The following SLCO2A1 variants were observed in gnomAD, a reference collection of about 807,000 sequenced individuals.
The protein encoded by SLCO2A1 is matrin F/G 1.
Under a neutral mutation model 71.7 loss-of-function variants are expected in SLCO2A1, and 60 were observed. That is an observed-to-expected ratio of 0.84 (90% CI 0.68 to 1.04). The LOEUF is 1.04. SLCO2A1 is among the 50% of genes least tolerant of loss of function. The probability of loss-of-function intolerance (pLI) is 0.00; values close to 1 mark genes in which losing one functional copy is unlikely to be tolerated. For missense variants in SLCO2A1, 745 were observed against 813.4 expected (o/e 0.92, Z 1.02); for synonymous variants, 308 against 326.7 (o/e 0.94, Z 0.62).
At chr3:133,991,217 G>C (rs1321341549) in intron 1 of SLCO2A1, among the ~76,000 whole-genome samples, 1 of 152,216 alleles carries the variant, frequency 6.6e-6, no homozygotes, top group Admixed American at 6.5e-5. Context: ...GATCCTCGGA[G>C]CTGAAGCAGG....
At position 133,934,439 on chromosome 3, in the gene SLCO2A1, C is replaced by G. The variant is rs1477636141; in HGVS notation, c.*274G>C. On this transcript the variant is annotated 3_prime_UTR_variant, in exon 14 of 14. Transcript: ENST00000310926. Reference sequence around the variant, plus strand: ...GGCATCCTCAATGGAGGACTCAACACTGAAGTGAGCCTGGGCATCTGGGGG... The same window carrying G: ...GGCATCCTCAATGGAGGACTCAACAGTGAAGTGAGCCTGGGCATCTGGGGG... The G allele has an allele frequency of 3.1e-6, 1 of 322,882 alleles. No homozygotes were observed. The highest frequency in any genetic ancestry group is 5.8e-6 in the Non-Finnish European group (1 of 172,550). The allele number at this position is 322,882 out of a possible 1,614,324, so 20.0% of individuals were successfully genotyped here.
chr3:133,987,877 A>G (rs1297625044), intron 1 of SLCO2A1, among the ~76,000 whole-genome samples: 1 of 152,222 alleles, frequency 6.6e-6, no homozygotes, highest in Non-Finnish European at 1.5e-5. Flanking sequence ...TTCTATCCCT[A>G]AATGGCAGCT....
In SLCO2A1 at chr3:134,025,656, C is replaced by T. The variant is rs139701462; in HGVS notation, c.96+4051G>A. ...TGGTCTTGTGTCATTTAGGCCACTT[C>T]GATAAAAAAAAAATGAAAAAGATCC... On this transcript the variant is annotated intron_variant, in intron 1 of 13. Coordinates refer to ENST00000310926, the MANE Select transcript of SLCO2A1 (RefSeq NM_005630.3). Among the ~76,000 whole-genome samples the T allele has an allele frequency of 8.2e-3, 1,236 of 151,072 alleles. 19 individuals carry two copies. Among genetic ancestry groups the T allele is most frequent in the African/African-American group, 0.028 (1,163 of 41,148 alleles).
chr3:133,948,564 G>T lies in SLCO2A1; in HGVS notation c.1077C>A (p.Thr359=). The T allele has an allele frequency of 6.2e-7, 1 of 1,614,132 alleles. No homozygotes were observed. Among genetic ancestry groups the T allele is most frequent in the Non-Finnish European group, 8.5e-7 (1 of 1,180,008 alleles). ...TGAGGAAGTTGGCATAGGCTGCTGA[G>T]GTGCCATACTGCTTCTCCAGGAACT... ...LNKFLEKQYG[T]SAAYANFLIG... is the part of the protein sequence containing the mutation. The change falls in exon 8 of 14, where the codon ACC becomes ACA. Residue 359 remains threonine (T), a synonymous_variant. Transcript: ENST00000310926.
intron 3 of SLCO2A1, among the ~76,000 whole-genome samples, chr3:133,970,201 A>C (rs1178821903): frequency 6.6e-6 from 1 of 152,210 alleles, no homozygotes; most frequent in Non-Finnish European, 1.5e-5. Context: ...TGATTACTGC[A>C]TGTGACAGCC....
intron 1 of SLCO2A1, among the ~76,000 whole-genome samples, chr3:134,015,331 A>G (rs1227453450): frequency 6.6e-6 from 1 of 151,996 alleles, no homozygotes; most frequent in East Asian, 1.9e-4. Context: ...GTGAAATAAG[A>G]CAGGCACAGA....
chr3:133,991,975 C>G (rs1194945993), intron 1 of SLCO2A1, among the ~76,000 whole-genome samples: 1 of 152,226 alleles, frequency 6.6e-6, no homozygotes, highest in Non-Finnish European at 1.5e-5. Flanking sequence ...ACAACAGGCA[C>G]AGAGAAGCAA....
chr3:133,955,602 G>A (rs1289232804), intron 3 of SLCO2A1, among the ~76,000 whole-genome samples: 1 of 152,082 alleles, frequency 6.6e-6, no homozygotes, highest in African/African-American at 2.4e-5. Flanking sequence ...CAGGCCCGTC[G>A]GCCTCCAGCA....
chr3:133,980,693 G>A (rs575606367), intron 1 of SLCO2A1, among the ~76,000 whole-genome samples: 215 of 152,334 alleles, frequency 1.4e-3, no homozygotes, highest in African/African-American at 5.1e-3. Flanking sequence ...ATTTCCTTCC[G>A]AAGCTGAGCC....
intron 3 of SLCO2A1, among the ~76,000 whole-genome samples, chr3:133,964,264 T>G (rs2108050379): frequency 6.6e-6 from 1 of 152,294 alleles, no homozygotes; most frequent in Middle Eastern, 3.4e-3. Context: ...GTCAGAGGCC[T>G]CTCGGAATGA....
intron 1 of SLCO2A1, among the ~76,000 whole-genome samples, chr3:134,021,009 C>A (rs1935563901): frequency 2.6e-5 from 4 of 152,206 alleles, no homozygotes; most frequent in African/African-American, 9.6e-5. Context: ...CCTCATCACC[C>A]ACGGCATGCC....
intron 1 of SLCO2A1, among the ~76,000 whole-genome samples, chr3:133,991,071 C>T (rs965039050): frequency 6.6e-6 from 1 of 152,030 alleles, no homozygotes; most frequent in Non-Finnish European, 1.5e-5. Context: ...GATCGCACCA[C>T]AGCACTCCAG....
intron 1 of SLCO2A1, among the ~76,000 whole-genome samples, chr3:133,982,384 C>A (rs1410248013): frequency 6.6e-6 from 1 of 152,150 alleles, no homozygotes; most frequent in African/African-American, 2.4e-5. Flanking sequence ...AGGATGATGG[C>A]CTCCAATCTC....
chr3:133,964,511 T>C (rs141709471), intron 3 of SLCO2A1, among the ~76,000 whole-genome samples: 112 of 152,186 alleles, frequency 7.4e-4, no homozygotes, highest in Middle Eastern at 3.4e-3. Context: ...GTCCAGAAAC[T>C]AGATACCAGT....
chr3:134,029,857 T>A lies in SLCO2A1; in HGVS notation c.-55A>T. The A allele has an allele frequency of 8.8e-7, 1 of 1,134,582 alleles. No individual in the cohort carries two copies. Among genetic ancestry groups the A allele is most frequent in the Non-Finnish European group, 1.1e-6 (1 of 880,060 alleles). 70.3% of individuals were successfully genotyped at this position (1,134,582 alleles called of 1,614,324 possible). On this transcript the variant is annotated 5_prime_UTR_variant, in exon 1 of 14. Transcript: ENST00000310926. Reference sequence around the variant, plus strand: ...GGCGCGGGGTCGGGGCGCCTCGGGCTGGAGCGGCCGGGCGGGTGAGAGGCG... The same window carrying A: ...GGCGCGGGGTCGGGGCGCCTCGGGCAGGAGCGGCCGGGCGGGTGAGAGGCG...
At position 133,982,935 on chromosome 3, in the gene SLCO2A1, G is replaced by T. The variant is rs186496155; in HGVS notation, c.97-3317C>A. 2.3e-4 allele frequency among the ~76,000 whole-genome samples: 35 copies of T among 152,252 alleles called. 1 individual carries two copies. In the East Asian group the frequency reaches 6.4e-3, roughly 28 times the overall value. ...AAACAGCTGTGTTGGTTTGTGAGGG[G>T]TGATAGCCAAGATGCTACAGTCCTG... On this transcript the variant is annotated intron_variant, in intron 1 of 13. Coordinates refer to ENST00000310926, the MANE Select transcript of SLCO2A1 (RefSeq NM_005630.3).
Position 134,029,752 on chromosome 3 carries a change from A to T in SLCO2A1, c.51T>A (p.Thr17=). 6.3e-7 allele frequency: 1 copy of T among 1,584,926 alleles called. No homozygotes were observed. Among genetic ancestry groups the T allele is most frequent in the South Asian group, 1.1e-5 (1 of 87,874 alleles). The change falls in exon 1 of 14, where the codon ACT becomes ACA. Residue 17 remains threonine, a synonymous_variant. Coordinates refer to ENST00000310926, the MANE Select transcript of SLCO2A1 (RefSeq NM_005630.3). ...LGASQGSDTS[T]SRAGRCARSV... is the part of the protein sequence containing the mutation. ...AGCGGGCACAGCGGCCGGCTCGGCT[A>T]GTAGAGGTGTCGCTGCCCTGGGACG...
At chr3:133,948,430 T>C in intron 8 of SLCO2A1, 106 bp downstream of exon 8, 2 of 1,196,528 alleles carry the variant, frequency 1.7e-6, no homozygotes, top group Non-Finnish European at 2.4e-6. Context: ...CTCCGGACCC[T>C]GCCTATGTCC....
chr3:133,937,503 C>T (rs1384428265), intron 12 of SLCO2A1, among the ~76,000 whole-genome samples: 1 of 152,188 alleles, frequency 6.6e-6, no homozygotes, highest in Non-Finnish European at 1.5e-5. Flanking sequence ...GTAGAGACAT[C>T]ACCAATACAT....
Sources: gnomAD v4.1 joint callset for allele counts (sites outside exome capture counted in the v4.1 genomes callset) on GRCh38, gnomAD v4.1.1 for gene constraint, MANE v1.5 for transcripts, NCBI Gene and HGNC (gene_info 2026-07-23, HGNC 2026-07-21) for gene names.